Variants in HMCN2 observed in about 807,000 individuals in gnomAD.
HMCN2 encodes hemicentin-2.
A neutral mutation model predicts 377.5 loss-of-function variants in HMCN2; 325 were observed. The observed-to-expected ratio is 0.86, with a 90% confidence interval of 0.79 to 0.94. The LOEUF (loss-of-function observed/expected upper bound fraction) is 0.94. Among genes scored for constraint, HMCN2 ranks in the 40% least tolerant of loss-of-function variants. The pLI is 0.00. For synonymous variants in HMCN2, 2,007 were observed against 2,046.8 expected, an observed-to-expected ratio of 0.98 and a Z score of 0.53; for missense variants, 4,543 against 4,725.3, an observed-to-expected ratio of 0.96 and a Z score of 1.13.
rs1839701743 is a variant in HMCN2 at position 130,351,312 on chromosome 9, G to A, written c.4431-111G>A. ...CTTTGCATTGCTCCCACCTCTTGGC[G>A]CTAATGAATGGCCCAGCCTCGCTTT... On this transcript the variant is annotated intron_variant, in intron 29 of 97. Transcript: ENST00000683500. This position sits in a 1 kb window ranked among gnomAD's most constrained non-coding sequence, Gnocchi z 5.4. 2 of 801,968 alleles carry A rather than the reference G, an allele frequency of 2.5e-6. No individual in the cohort carries two copies. Among genetic ancestry groups the A allele is most frequent in the Non-Finnish European group, 3.4e-6 (2 of 585,506 alleles). The allele number at this position is 801,968 out of a possible 1,614,324, so 49.7% of individuals were successfully genotyped here.
intron 52 of HMCN2, 81 bp downstream of exon 52, chr9:130,376,739 C>A (rs1303315811): frequency 2.2e-6 from 2 of 900,470 alleles, no homozygotes; most frequent in Non-Finnish European, 2.7e-6. Context: ...CCAGAAAAGG[C>A]TTCCCTTAAA....
chr9:130,333,823 T>C (rs1290580001), intron 22 of HMCN2, among the ~76,000 whole-genome samples: 1 of 152,218 alleles, frequency 6.6e-6, no homozygotes, highest in Non-Finnish European at 1.5e-5. Flanking sequence ...GCTTCACCTT[T>C]TCCCTGAGTC....
At chr9:130,357,669 CT>C (rs1271376732) in intron 34 of HMCN2, among the ~76,000 whole-genome samples, 164 bp from the exon 35 acceptor site, 1 of 152,118 alleles carries the variant, frequency 6.6e-6, no homozygotes, top group African/African-American at 2.4e-5. Flanking sequence ...GCTCTTTCCC[CT>C]AAGCCATGCG....
intron 31 of HMCN2, among the ~76,000 whole-genome samples, chr9:130,354,317 C>T (rs184907792): frequency 3.0e-4 from 46 of 152,230 alleles, no homozygotes; most frequent in African/African-American, 1.1e-3. Context: ...AAGTTAGGAG[C>T]CCCCCAATCC....
intron 84 of HMCN2, among the ~76,000 whole-genome samples, 193 bp downstream of exon 84, chr9:130,409,126 G>A (rs956389765): frequency 1.1e-4 from 17 of 152,084 alleles, no homozygotes; most frequent in Admixed American, 7.9e-4. Context: ...CCATTCCTCC[G>A]TCATCCACCC....
intron 77 of HMCN2, among the ~76,000 whole-genome samples, chr9:130,402,346 A>G (rs1003521828): frequency 6.6e-6 from 1 of 152,240 alleles, no homozygotes; most frequent in African/African-American, 2.4e-5. Flanking sequence ...TGAGTAACCA[A>G]GGCTAAGGCC....
At chr9:130,386,059 T>C (rs946665592) in intron 60 of HMCN2, among the ~76,000 whole-genome samples, 3 of 152,170 alleles carry the variant, frequency 2.0e-5, no homozygotes, top group Admixed American at 1.3e-4. Context: ...CTGAGACTCC[T>C]GGGAGTCTGC....
At chr9:130,267,837 A>C (rs1834206948) in intron 1 of HMCN2, among the ~76,000 whole-genome samples, 1 of 152,184 alleles carries the variant, frequency 6.6e-6, no homozygotes, top group Non-Finnish European at 1.5e-5. Flanking sequence ...GGTTGTGAGG[A>C]GGTGGGCTGT....
At chr9:130,268,222 C>T (rs1287970094) in intron 1 of HMCN2, among the ~76,000 whole-genome samples, 1 of 152,208 alleles carries the variant, frequency 6.6e-6, no homozygotes, top group Admixed American at 6.5e-5. Flanking sequence ...GGAAGCCCAC[C>T]TCCCACCCCT....
rs894974010 is a variant in HMCN2, at chr9:130,428,316, G to A, written c.14066-42G>A. ...AGGGTCAGGTGGCGAGGCACGCCTG[G>A]GGATCATGTTCACACAGCCGTCTGC... On this transcript the variant is annotated intron_variant, in intron 92 of 97. Transcript: ENST00000683500. This position sits in a 1 kb window ranked among gnomAD's most constrained non-coding sequence, Gnocchi z 5.0. The A allele has an allele frequency of 2.0e-6, 3 of 1,493,668 alleles. No individual in the cohort carries two copies. Among genetic ancestry groups the A allele is most frequent in the Admixed American group, 2.1e-5 (1 of 48,600 alleles). The allele number at this position is 1,493,668 out of a possible 1,614,324, so 92.5% of individuals were successfully genotyped here.
chr9:130,316,588 G>A (rs938345893), intron 15 of HMCN2, among the ~76,000 whole-genome samples: 6 of 152,184 alleles, frequency 3.9e-5, no homozygotes, highest in Admixed American at 1.3e-4. Flanking sequence ...AGCTGCAGCC[G>A]TCAGCTGACA....
intron 29 of HMCN2, 111 bp downstream of exon 29, chr9:130,349,774 T>C: frequency 9.1e-7 from 1 of 1,096,044 alleles, no homozygotes; most frequent in Non-Finnish European, 1.2e-6. Flanking sequence ...AGGCATGGCA[T>C]GTGCCACCCA....
At chr9:130,292,235 G>A (rs1245435977) in intron 4 of HMCN2, among the ~76,000 whole-genome samples, 5 of 152,220 alleles carry the variant, frequency 3.3e-5, no homozygotes, top group Admixed American at 1.3e-4. Context: ...CCAGCTCTCT[G>A]TATGGTTGGG....
chr9:130,429,857 C>T lies in HMCN2; in HGVS notation c.14326+172C>T, dbSNP rs948246330. 3.9e-5 allele frequency: 50 copies of T among 1,276,510 alleles called. No individual in the cohort carries two copies. The African/African-American group carries it at 6.3e-4, about 16-fold the overall frequency. The allele number at this position is 1,276,510 out of a possible 1,614,324, so 79.1% of individuals were successfully genotyped here. On this transcript the variant is annotated intron_variant, in intron 94 of 97. Transcript: ENST00000683500. Reference sequence around the variant, plus strand: ...CAGTGCTGTTGAGTTCTGAGAATAACCAAACAGCAGCCGACACTTTGCACT... The same window carrying T: ...CAGTGCTGTTGAGTTCTGAGAATAATCAAACAGCAGCCGACACTTTGCACT...
At chr9:130,411,338 A>T (rs762657343) in intron 85 of HMCN2, among the ~76,000 whole-genome samples, 5 of 152,192 alleles carry the variant, frequency 3.3e-5, no homozygotes, top group Non-Finnish European at 4.4e-5. Context: ...TCGGTGACTC[A>T]CAGCTGTAAT....
chr9:130,378,428 C>A (rs1298020926), intron 53 of HMCN2, among the ~76,000 whole-genome samples: 1 of 22,984 alleles, frequency 4.4e-5, no homozygotes, highest in African/African-American at 2.0e-4. Flanking sequence ...GAGGGGGAGG[C>A]CGGGAGGGGG....
Position 130,407,610 on chromosome 9 carries a change from G to A in HMCN2, c.12593G>A (p.Arg4198Gln), listed in dbSNP as rs971204643. 29 of 1,289,028 alleles carry A rather than the reference G, an allele frequency of 2.2e-5. No homozygotes were observed. Among genetic ancestry groups the A allele is most frequent in the East Asian group, 1.7e-4 (3 of 17,996 alleles). 79.8% of individuals were successfully genotyped at this position (1,289,028 alleles called of 1,614,324 possible). A position where few individuals can be genotyped will look rare whatever the true frequency, so the allele number is the denominator to read the frequency against. The change falls in exon 83 of 98, where the codon CGG becomes CAG. Residue 4198 changes from arginine (R) to glutamine (Q), a missense_variant. Arg to Gln is a conservative substitution (Grantham distance 43, BLOSUM62 1). This residue lies in a region of HMCN2 where 1,073 missense variants were observed against 1,319.5 expected (regional missense o/e 0.81). Coordinates refer to ENST00000683500, the MANE Select transcript of HMCN2 (RefSeq NM_001291815.2). ...SEQDGGSTLQ[R>Q]AAVSREDSGT... ...CAGGATGGAGGCAGCACGCTGCAGC[G>A]GGCCGCTGTCTCCAGAGAAGACAGC...
chr9:130,299,067 C>T lies in HMCN2; in HGVS notation c.1055C>T (p.Ala352Val). 1 of 471,044 alleles carries T rather than the reference C, an allele frequency of 2.1e-6. No homozygotes were observed. Among genetic ancestry groups the T allele is most frequent in the South Asian group, 1.5e-5 (1 of 64,550 alleles). The allele number at this position is 471,044 out of a possible 1,614,324, so 29.2% of individuals were successfully genotyped here. A position where few individuals can be genotyped will look rare whatever the true frequency, so the allele number is the denominator to read the frequency against. ...GTGATCAATTCCACGGGCCTGAAGG[C>T]ACCCGGCCGCCTAGACTCGGTGGAG... ...SLVINSTGLKAPGRLDSVELA... is the reference protein window; with the variant it reads ...SLVINSTGLKVPGRLDSVELA... Residue 352 changes from alanine to valine, a missense_variant, in exon 8 of 98, where the codon GCA (alanine) becomes GTA (valine). Physicochemically the swap from Ala to Val is moderately conservative, Grantham distance 64. Coordinates refer to ENST00000683500, the MANE Select transcript of HMCN2 (RefSeq NM_001291815.2).
intron 95 of HMCN2, 25 bp downstream of exon 95, chr9:130,430,629 CG>C: frequency 6.6e-7 from 1 of 1,526,628 alleles, no homozygotes; most frequent in Non-Finnish European, 8.8e-7. Flanking sequence ...TGACCATCCA[CG>C]GGACACTGCC....
Sources: gnomAD v4.1 joint callset for allele counts (sites outside exome capture counted in the v4.1 genomes callset) on GRCh38, gnomAD v4.1.1 for gene constraint, gnomAD v4.1.1 regional missense constraint, Gnocchi (gnomAD v3.1) non-coding constraint, MANE v1.5 for transcripts, NCBI Gene and HGNC (gene_info 2026-07-23, HGNC 2026-07-21) for gene names.